The following APOB variants were observed in gnomAD, a reference collection of about 807,000 sequenced individuals.
The protein encoded by APOB is apolipoprotein B-100.
Under a neutral mutation model 314.1 loss-of-function variants are expected in APOB, and 153 were observed. The observed-to-expected ratio is 0.49, with a 90% confidence interval of 0.43 to 0.56. APOB has a LOEUF of 0.56. Ranked by LOEUF, APOB falls within the 20% of genes least tolerant of loss-of-function variation. The pLI is 0.00. For synonymous variants in APOB, 2,087 were observed against 2,036.4 expected, an observed-to-expected ratio of 1.02 and a Z score of -0.67; for missense variants, 5,430 against 5,350.7, an observed-to-expected ratio of 1.01 and a Z score of -0.46.
chr2:21,040,897 GAC>G (rs749192145), intron 4 of APOB, 39 bp downstream of exon 4: 6 of 1,610,336 alleles, frequency 3.7e-6, no homozygotes, highest in South Asian at 1.1e-5. Context: ...TACCTCAGCG[GAC>G]ACACACACAT....
intron 17 of APOB, 103 bp downstream of exon 17, chr2:21,023,422 T>A: frequency 7.3e-7 from 1 of 1,369,426 alleles, no homozygotes; most frequent in Non-Finnish European, 1.0e-6. Flanking sequence ...TGATGAAGCA[T>A]TTTGTCTTGA....
Position 21,010,556 on chromosome 2 carries a change from A to C in APOB, c.6312T>G (p.Ile2104Met). ...CTCTGTATTTTCTTACAAATTGATC[A>C]ATATTGATGTGCTTCAGGTTTCTCT... ...NVQRNLKHIN[I>M]DQFVRKYRAA... The change falls in exon 26 of 29, where the codon ATT (isoleucine) becomes ATG (methionine). Residue 2104 changes from isoleucine (I) to methionine (M), a missense_variant. By Grantham distance (10) the Ile-to-Met change is conservative (BLOSUM62 1). Transcript: ENST00000233242. 6.2e-7 allele frequency: 1 copy of C among 1,610,762 alleles called. No homozygotes were observed. Among genetic ancestry groups the C allele is most frequent in the Non-Finnish European group, 8.5e-7 (1 of 1,177,752 alleles).
In APOB at chr2:21,010,734, G is replaced by A. The variant is rs754379217; in HGVS notation, c.6134C>T (p.Ala2045Val). Residue 2045 changes from alanine (A) to valine (V), a missense_variant, in exon 26 of 29, where the codon GCC becomes GTC. By Grantham distance (64) the Ala-to-Val change is moderately conservative. Coordinates refer to ENST00000233242, the MANE Select transcript of APOB (RefSeq NM_000384.3). ...TGTAAATTCTTGGGGCTTCTCAACG[G>A]CATCTCTCATCTCTAAAGCATCAAT... ...NIIDALEMRD[A>V]VEKPQEFTIV... 3 of 1,613,898 alleles carry A rather than the reference G, an allele frequency of 1.9e-6. No individual in the cohort carries two copies. Among genetic ancestry groups the A allele is most frequent in the African/African-American group, 1.3e-5 (1 of 75,002 alleles).
intron 6 of APOB, 151 bp from the exon 7 acceptor site, chr2:21,035,859 G>A (rs544231615): frequency 2.8e-5 from 24 of 847,778 alleles, no homozygotes; most frequent in South Asian, 1.7e-4. Context: ...TTAGACCAGG[G>A]GGTGCAACAA....
At chr2:21,027,612 C>T (rs1166681697) in intron 14 of APOB, among the ~76,000 whole-genome samples, 1 of 152,282 alleles carries the variant, frequency 6.6e-6, no homozygotes, top group East Asian at 1.9e-4. Flanking sequence ...CTCGCCAGGC[C>T]TGCATTTCTA....
chr2:21,021,029 G>A (rs1357514963), intron 18 of APOB, among the ~76,000 whole-genome samples: 1 of 152,126 alleles, frequency 6.6e-6, no homozygotes, highest in Admixed American at 6.5e-5. Flanking sequence ...GTATACTAAT[G>A]ATTCCCAAAT....
Position 21,011,694 on chromosome 2 carries a change from T to G in APOB, c.5174A>C (p.Asn1725Thr), listed in dbSNP as rs1663325629. 3 of 1,614,172 alleles carry G rather than the reference T, an allele frequency of 1.9e-6. No homozygotes were observed. Among genetic ancestry groups the G allele is most frequent in the Non-Finnish European group, 8.5e-7 (1 of 1,180,032 alleles). Residue 1725 changes from asparagine (N) to threonine (T), a missense_variant, in exon 26 of 29, where the codon AAC (asparagine) becomes ACC (threonine). Around this residue, in one of 3 missense-constraint regions of APOB, gnomAD observed 2,085 missense variants for 2,079.7 expected, o/e 1.00. Coordinates refer to ENST00000233242, the MANE Select transcript of APOB (RefSeq NM_000384.3). ...TTGACTGACCTTGAAGTTGAAAATGTTTTTGCTGTCGACACCCAGAATCAT... is the reference window on the plus strand; with the variant it reads ...TTGACTGACCTTGAAGTTGAAAATGGTTTTGCTGTCGACACCCAGAATCAT... Reference protein sequence around the residue: ...QAMILGVDSKNIFNFKVSQEG... With the variant: ...QAMILGVDSKTIFNFKVSQEG...
At chr2:21,024,848 A>C in intron 16 of APOB, 85 bp downstream of exon 16, 1 of 1,411,642 alleles carries the variant, frequency 7.1e-7, no homozygotes, top group Non-Finnish European at 1.0e-6. Flanking sequence ...GGGCTTGTGC[A>C]GCTGGGATCG....
At position 21,011,037 on chromosome 2, in the gene APOB, TGA is replaced by T. The variant is rs1407451220; in HGVS notation, c.5829_5830del (p.His1944Ter). ...ATGACTTGTGGAGCCTTTGTAATCATGAGAGAAAGTAAATGCCAGAGGTTCTG... is the reference window on the plus strand; with the variant it reads ...ATGACTTGTGGAGCCTTTGTAATCATGAGAAAGTAAATGCCAGAGGTTCTG... On this transcript the variant is annotated frameshift_variant, in exon 26 of 29. Transcript: ENST00000233242. LOFTEE classifies it high-confidence loss of function. 5.6e-6 allele frequency: 9 copies of T among 1,614,072 alleles called. No individual in the cohort carries two copies. The highest frequency in any genetic ancestry group is 1.7e-6 in the Non-Finnish European group (2 of 1,180,020).
chr2:21,013,183 T>C lies in APOB; in HGVS notation c.4193A>G (p.Asp1398Gly). Residue 1398 changes from aspartate (D) to glycine (G), a missense_variant, in exon 25 of 29, where the codon GAC (aspartate) becomes GGC (glycine). Around this residue, in one of 3 missense-constraint regions of APOB, gnomAD observed 2,085 missense variants for 2,079.7 expected, o/e 1.00. Transcript: ENST00000233242. ...RYHMKADSVVDLLSYNVQGSG... is the reference protein window; with the variant it reads ...RYHMKADSVVGLLSYNVQGSG... The stretch of plus-strand genomic sequence containing the variant: ...ACCTTGCACATTGTAGGAAAGCAGG[T>C]CAACCACAGAGTCAGCCTTCATGTG... 6.2e-7 allele frequency: 1 copy of C among 1,614,060 alleles called. No individual in the cohort carries two copies. The highest frequency in any genetic ancestry group is 8.5e-7 in the Non-Finnish European group (1 of 1,179,992).
chr2:21,023,888 A>T, intron 16 of APOB, 196 bp from the exon 17 acceptor site: 2 of 498,256 alleles, frequency 4.0e-6, no homozygotes, highest in South Asian at 7.8e-5. Context: ...TCAGGATATA[A>T]GAAATTTCAC....
intron 18 of APOB, 109 bp from the exon 19 acceptor site, chr2:21,020,014 C>T: frequency 1.1e-6 from 1 of 936,590 alleles, no homozygotes; most frequent in East Asian, 2.4e-5. Flanking sequence ...TCCCTCAGTC[C>T]ACACCTATCT....
At chr2:21,035,742 A>G (rs1663988293) in intron 6 of APOB, 34 bp from the exon 7 acceptor site, 1 of 1,612,270 alleles carries the variant, frequency 6.2e-7, no homozygotes, top group Non-Finnish European at 8.5e-7. Context: ...CATTTTGATC[A>G]GTCCCTGTAT....
chr2:21,019,708 C>T lies in APOB; in HGVS notation c.2999+15G>A. ...AGGTGAGAAAATGCTGGGTCAGGCA[C>T]TGAGCATCTCTAACCTGGTGTCCCC... On this transcript the variant is annotated intron_variant, in intron 19 of 28. Coordinates refer to ENST00000233242, the MANE Select transcript of APOB (RefSeq NM_000384.3). 6.2e-7 allele frequency: 1 copy of T among 1,613,748 alleles called. No homozygotes were observed. Among genetic ancestry groups the T allele is most frequent in the Middle Eastern group, 1.7e-4 (1 of 5,980 alleles).
intron 16 of APOB, 73 bp downstream of exon 16, chr2:21,024,860 A>G (rs763114782): frequency 5.8e-5 from 87 of 1,502,564 alleles, no homozygotes; most frequent in Non-Finnish European, 7.8e-5. Context: ...CTGGGATCGT[A>G]AGGGAGTCTG....
rs770504273 is a variant in APOB, at chr2:21,011,413, G to A, written c.5455C>T (p.Leu1819=). The change falls in exon 26 of 29, where the codon CTG becomes TTG. Residue 1819 remains leucine (L), a synonymous_variant. Coordinates refer to ENST00000233242, the MANE Select transcript of APOB (RefSeq NM_000384.3). ...AGGTTACCAGCCACATGCAGCTTCA[G>A]GGGTTCTAGCCGTAGTTTCCCATTG... The part of the protein sequence containing the change: ...TNNGKLRLEP[L]KLHVAGNLKG... 6.2e-7 allele frequency: 1 copy of A among 1,614,088 alleles called. No individual in the cohort carries two copies.
At chr2:21,015,314 A>T in intron 22 of APOB, 54 bp from the exon 23 acceptor site, 1 of 1,612,868 alleles carries the variant, frequency 6.2e-7, no homozygotes, top group Non-Finnish European at 8.5e-7. Context: ...CTGTAACCAC[A>T]GGTCTCAACA....
chr2:21,010,921 G>A lies in APOB; in HGVS notation c.5947C>T (p.Leu1983Phe). 1.2e-6 allele frequency: 2 copies of A among 1,614,104 alleles called. No individual in the cohort carries two copies. Among genetic ancestry groups the A allele is most frequent in the Non-Finnish European group, 1.7e-6 (2 of 1,179,990 alleles). ...TPAEQTGTWK[L>F]KTQFNNNEYS... ...TCATTGTTGTTAAATTGGGTCTTGA[G>A]TTTCCAGGTGCCTGTCTGCTCAGCT... The change falls in exon 26 of 29, where the codon CTC becomes TTC. Residue 1983 changes from leucine to phenylalanine, a missense_variant. Around this residue, in one of 3 missense-constraint regions of APOB, gnomAD observed 3,281 missense variants for 3,171.0 expected, o/e 1.03. Transcript: ENST00000233242.
In APOB at chr2:21,037,530, C is replaced by T. The variant is rs1450085141; in HGVS notation, c.538-275G>A. ...ATGGTGTCGTAGAGAAATTAGAACACACAAAAGTGCTCATGGGACTGAGGT... is the reference window on the plus strand; with the variant it reads ...ATGGTGTCGTAGAGAAATTAGAACATACAAAAGTGCTCATGGGACTGAGGT... On this transcript the variant is annotated intron_variant, in intron 5 of 28. Transcript: ENST00000233242. Among the ~76,000 whole-genome samples the T allele has an allele frequency of 2.6e-5, 4 of 152,310 alleles. No homozygotes were observed. In the East Asian group the frequency reaches 7.7e-4, roughly 29 times the overall value.
Sources: allele counts gnomAD v4.1 joint callset (sites outside exome capture counted in the v4.1 genomes callset), GRCh38; gene constraint gnomAD v4.1.1; regional missense constraint gnomAD v4.1.1; transcripts MANE v1.5; gene names NCBI Gene and HGNC (gene_info 2026-07-23, HGNC 2026-07-21).